The following PREX2 variants were observed in gnomAD, a reference collection of about 807,000 sequenced individuals.
The protein encoded by PREX2 is phosphatidylinositol-3,4,5-trisphosphate dependent Rac exchange factor 2.
Under a neutral mutation model 203.2 loss-of-function variants are expected in PREX2, and 107 were observed. The observed-to-expected ratio is 0.53, with a 90% CI of 0.45 to 0.62. The LOEUF is 0.62. Ranked by LOEUF, PREX2 falls within the 20% of genes least tolerant of loss-of-function variation. The pLI, the probability that PREX2 is intolerant of heterozygous loss-of-function variation, is 0.00. For missense variants in PREX2, 1,777 were observed against 1,955.9 expected (o/e 0.91, Z 1.72); for synonymous variants, 672 against 663.6 (o/e 1.01, Z -0.19).
At chr8:68,167,350 A>ATTTTT in intron 35 of PREX2, among the ~76,000 whole-genome samples, 1 of 142,710 alleles carries the variant, frequency 7.0e-6, no homozygotes. Flanking sequence ...TTTTTTGGAG[A>ATTTTT]CAGAGTCTCA....
At chr8:68,134,965 T>G (rs1811084708) in intron 32 of PREX2, among the ~76,000 whole-genome samples, 2 of 152,216 alleles carry the variant, frequency 1.3e-5, no homozygotes, top group African/African-American at 4.8e-5. Context: ...AGCAAATGTG[T>G]TCACTTTAAT....
In PREX2 at chr8:67,952,465, G is replaced by A; in HGVS notation, c.71G>A (p.Arg24His). 2.5e-6 allele frequency: 4 copies of A among 1,602,748 alleles called. No individual in the cohort carries two copies. Among genetic ancestry groups the A allele is most frequent in the Non-Finnish European group, 3.4e-6 (4 of 1,175,008 alleles). ...AKDLEKQLRLRVCVLSELQKT... is the reference protein window; with the variant it reads ...AKDLEKQLRLHVCVLSELQKT... The stretch of plus-strand genomic sequence containing the variant: ...GACCTGGAGAAGCAGCTTCGCCTGC[G>A]CGTGTGCGTGCTCAGCGAGCTCCAG... The change falls in exon 1 of 40, where the codon CGC becomes CAC. Residue 24 changes from arginine to histidine, a missense_variant. Physicochemically the swap from Arg to His is conservative, Grantham distance 29. Transcript: ENST00000288368.
chr8:68,201,348 A>T (rs1005326319), intron 37 of PREX2, among the ~76,000 whole-genome samples: 1 of 152,116 alleles, frequency 6.6e-6, no homozygotes, highest in East Asian at 1.9e-4. Flanking sequence ...GGACAGAACT[A>T]ATAGGGTAGA....
At chr8:68,108,059 G>C (rs1810453882) in intron 23 of PREX2, 50 bp from the exon 24 acceptor site, 1 of 1,259,826 alleles carries the variant, frequency 7.9e-7, no homozygotes, top group Non-Finnish European at 1.1e-6. Context: ...AAAGATGCCT[G>C]AGTTATTACT....
intron 1 of PREX2, among the ~76,000 whole-genome samples, chr8:67,957,748 A>T (rs1201791034): frequency 2.6e-5 from 4 of 152,186 alleles, no homozygotes; most frequent in Non-Finnish European, 5.9e-5. Flanking sequence ...CCAGGCAAAG[A>T]TGATTGATTC....
rs1808287918 is a variant in PREX2, at chr8:68,044,510, C to G, written c.863C>G (p.Ser288Cys). 6.2e-7 allele frequency: 1 copy of G among 1,612,300 alleles called. No individual in the cohort carries two copies. Residue 288 changes from serine (S) to cysteine (C), a missense_variant, in exon 8 of 40, where the codon TCT (serine) becomes TGT (cysteine). By Grantham distance (112) the Ser-to-Cys change is moderately radical. Coordinates refer to ENST00000288368, the MANE Select transcript of PREX2 (RefSeq NM_024870.4). ...KHRRLKNSKA[S>C]TDGHRYLFRG... The stretch of plus-strand genomic sequence containing the variant: ...AGACGGTTGAAGAACAGCAAGGCAT[C>G]TACAGATGGACATCGGTACCTTTTT...
chr8:67,961,628 T>G (rs762756294), intron 1 of PREX2, among the ~76,000 whole-genome samples: 10 of 152,148 alleles, frequency 6.6e-5, no homozygotes, highest in African/African-American at 9.6e-5. Context: ...CATCTAATAA[T>G]AACTGCTTAA....
intron 35 of PREX2, among the ~76,000 whole-genome samples, chr8:68,161,111 G>A (rs567936752): frequency 1.2e-3 from 187 of 150,708 alleles, no homozygotes; most frequent in African/African-American, 4.1e-3. Context: ...TTTTTTGGGG[G>A]GGGGACAGAG....
At chr8:68,182,980 A>T (rs1261001744) in intron 35 of PREX2, among the ~76,000 whole-genome samples, 1 of 151,734 alleles carries the variant, frequency 6.6e-6, no homozygotes, top group Admixed American at 6.6e-5. Context: ...AAAGGTGGGA[A>T]AACTTGCATG....
chr8:68,125,999 C>CTA (rs1041772879), intron 30 of PREX2, among the ~76,000 whole-genome samples: 1 of 152,012 alleles, frequency 6.6e-6, no homozygotes, highest in Non-Finnish European at 1.5e-5. Context: ...CGGTGATTTT[C>CTA]TATTAGGTAA....
At chr8:68,161,982 G>A (rs1423754303) in intron 35 of PREX2, among the ~76,000 whole-genome samples, 3 of 152,200 alleles carry the variant, frequency 2.0e-5, no homozygotes, top group Non-Finnish European at 4.4e-5. Flanking sequence ...CAGCAGGCAA[G>A]TGAGAGAGAG....
chr8:67,995,069 T>G (rs1806725546), intron 1 of PREX2, among the ~76,000 whole-genome samples: 1 of 152,144 alleles, frequency 6.6e-6, no homozygotes, highest in Admixed American at 6.5e-5. Flanking sequence ...TTCTCTACTT[T>G]CCTTTTCTTT....
chr8:68,098,970 A>C (rs1390595519), intron 22 of PREX2, among the ~76,000 whole-genome samples: 2 of 126,376 alleles, frequency 1.6e-5, no homozygotes, highest in African/African-American at 5.5e-5. Flanking sequence ...ATATATATAT[A>C]TATATATCTC....
intron 1 of PREX2, among the ~76,000 whole-genome samples, chr8:67,962,661 CA>C (rs1244295094): frequency 1.1e-4 from 17 of 151,148 alleles, no homozygotes; most frequent in Admixed American, 3.3e-4. Context: ...GGCTAGAGTG[CA>C]GTGGCATGAT....
chr8:68,046,353 A>T (rs1010702830), intron 8 of PREX2, among the ~76,000 whole-genome samples: 16 of 152,012 alleles, frequency 1.1e-4, no homozygotes, highest in African/African-American at 3.6e-4. Context: ...AGAGCCCAGG[A>T]CCTTTGGAGG....
In PREX2 at chr8:68,192,513, G is replaced by A. The variant is rs762825228; in HGVS notation, c.4592G>A (p.Ser1531Asn). 1.2e-6 allele frequency: 2 copies of A among 1,611,984 alleles called. No homozygotes were observed. The highest frequency in any genetic ancestry group is 2.2e-5 in the South Asian group (2 of 90,926). Residue 1531 changes from serine to asparagine, a missense_variant, in exon 37 of 40, where the codon AGC becomes AAC. Coordinates refer to ENST00000288368, the MANE Select transcript of PREX2 (RefSeq NM_024870.4). ...GCCTGCCACATCATCATGTGCAGCA[G>A]CGGTGTGCATCGGTATGTGACCCTC... ...LGACHIIMCSSGVHRCTLSVT... is the reference protein window; with the variant it reads ...LGACHIIMCSNGVHRCTLSVT...
chr8:68,165,170 A>G (rs1285808661), intron 35 of PREX2, among the ~76,000 whole-genome samples: 1 of 152,014 alleles, frequency 6.6e-6, no homozygotes, highest in Non-Finnish European at 1.5e-5. Context: ...GTGCTGCCTC[A>G]GCTCATTCCC....
intron 1 of PREX2, among the ~76,000 whole-genome samples, chr8:67,976,384 GGGAGAGAGAC>G (rs1806085043): frequency 7.2e-6 from 1 of 138,328 alleles, no homozygotes; most frequent in Non-Finnish European, 1.6e-5. Context: ...GAGAGAAAGA[GGGAGAGAGAC>G]AGAGAGAGAG....
Position 68,087,727 on chromosome 8 carries a change from A to T in PREX2, c.2031A>T (p.Thr677=). Residue 677 remains threonine, a synonymous_variant, in exon 19 of 40, where the codon ACA becomes ACT. Transcript: ENST00000288368. ...RVLVSTKPRE[T]VKIPDSADGL... The stretch of plus-strand genomic sequence containing the variant: ...CCTTATTTTCTGATTGATTTAGGAC[A>T]GTGAAAATTCCAGATTCAGCTGATG... 1 of 1,611,264 alleles carries T rather than the reference A, an allele frequency of 6.2e-7. No homozygotes were observed. The highest frequency in any genetic ancestry group is 1.3e-5 in the African/African-American group (1 of 74,996).
Sources: gnomAD v4.1 joint callset for allele counts (sites outside exome capture counted in the v4.1 genomes callset) on GRCh38, gnomAD v4.1.1 for gene constraint, MANE v1.5 for transcripts, NCBI Gene and HGNC (gene_info 2026-07-23, HGNC 2026-07-21) for gene names.